ARHGAP29: variants seen among roughly 807,000 people sequenced by gnomAD.
ARHGAP29 encodes the protein rho GTPase-activating protein 29.
In ARHGAP29, 43 loss-of-function variants were observed where a neutral mutation model predicts 122.6. The observed-to-expected ratio is 0.35, with a 90% CI of 0.27 to 0.45. The LOEUF (loss-of-function observed/expected upper bound fraction) is 0.45. ARHGAP29 is among the 20% of genes least tolerant of loss of function. The pLI, the probability that ARHGAP29 is intolerant of heterozygous loss-of-function variation, is 1.00. For synonymous variants in ARHGAP29, 506 were observed against 497.1 expected (o/e 1.02, Z -0.24); for missense variants, 1,303 against 1,477.2 (o/e 0.88, Z 1.93).
At chr1:94,216,080 G>A (rs933065565) in intron 3 of ARHGAP29, among the ~76,000 whole-genome samples, 1 of 152,132 alleles carries the variant, frequency 6.6e-6, no homozygotes, top group Non-Finnish European at 1.5e-5. Flanking sequence ...CTTCAGCACT[G>A]CTATCAGAAG....
the ARHGAP29 span, among the ~76,000 whole-genome samples, chr1:94,293,297 G>A: frequency 5.3e-5 from 8 of 152,358 alleles, no homozygotes; most frequent in African/African-American, 1.2e-4. Flanking sequence ...AGGCACGGGA[G>A]GGAATCTCCT....
upstream of ARHGAP29, among the ~76,000 whole-genome samples, chr1:94,275,617 G>A (rs1655153938): frequency 6.6e-6 from 1 of 152,142 alleles, no homozygotes; most frequent in South Asian, 2.1e-4. Context: ...CAGGACAGGT[G>A]CTGGTTGGCA....
chr1:94,201,924 T>C, intron 11 of ARHGAP29, 67 bp from the exon 12 acceptor site: 4 of 1,364,250 alleles, frequency 2.9e-6, no homozygotes. Context: ...TTTACTATAG[T>C]AAAGCTAAGT....
rs114237993 is a variant in ARHGAP29, at chr1:94,249,128, C to T, written c.-32-17485G>A. On this transcript the variant is annotated intron_variant and NMD_transcript_variant, in intron 1 of 25. Transcript: ENST00000552844. Reference sequence around the variant, plus strand: ...AACTAAAAAATAAGGGGCAATATCTCCACCAAATCCTCTAACACTGACTCA... The same window carrying T: ...AACTAAAAAATAAGGGGCAATATCTTCACCAAATCCTCTAACACTGACTCA... 1.7e-3 allele frequency among the ~76,000 whole-genome samples: 262 copies of T among 152,318 alleles called. 2 individuals carry two copies. The highest frequency in any genetic ancestry group is 6.1e-3 in the African/African-American group (255 of 41,560).
intron 20 of ARHGAP29, among the ~76,000 whole-genome samples, 197 bp from the exon 21 acceptor site, chr1:94,178,364 T>C (rs149767825): frequency 1.5e-4 from 23 of 152,300 alleles, no homozygotes; most frequent in Non-Finnish European, 3.1e-4. Context: ...TTTCACAGTA[T>C]TGGAATAAAT....
chr1:94,247,209 A>G (rs921640509), intron 1 of ARHGAP29, among the ~76,000 whole-genome samples: 2 of 152,042 alleles, frequency 1.3e-5, no homozygotes, highest in African/African-American at 2.4e-5. Flanking sequence ...AAGAAAACCA[A>G]TGGGGTAAGG....
At chr1:94,312,829 A>G in the ARHGAP29 span, among the ~76,000 whole-genome samples, 116 of 143,226 alleles carry the variant, frequency 8.1e-4, no homozygotes, top group African/African-American at 3.4e-3. Flanking sequence ...CCCCTTCTCA[A>G]TCTCCTTTGC....
chr1:94,258,367 T>C (rs557427541), intron 1 of ARHGAP29, among the ~76,000 whole-genome samples: 5 of 152,260 alleles, frequency 3.3e-5, no homozygotes, highest in African/African-American at 1.2e-4. Context: ...CATTTCTGAA[T>C]TTTTTAATGT....
chr1:94,245,015 A>G (rs1224154248), intron 1 of ARHGAP29, among the ~76,000 whole-genome samples: 1 of 152,198 alleles, frequency 6.6e-6, no homozygotes, highest in Non-Finnish European at 1.5e-5. Context: ...CATTAGTATC[A>G]GGGAAATGCA....
chr1:94,282,145 A>G, the ARHGAP29 span, among the ~76,000 whole-genome samples: 1 of 151,994 alleles, frequency 6.6e-6, no homozygotes. Flanking sequence ...CCAGAATCTG[A>G]TCTTGTAAGT....
upstream of ARHGAP29, among the ~76,000 whole-genome samples, chr1:94,237,946 A>T (rs1439644247): frequency 1.3e-5 from 2 of 151,676 alleles, no homozygotes; most frequent in African/African-American, 4.8e-5. Context: ...GGGCCTGGGG[A>T]AGGGCGCCAC....
chr1:94,174,023 T>TTG lies in ARHGAP29; in HGVS notation c.3630_3631dup (p.Lys1211ThrfsTer26). On this transcript the variant is annotated frameshift_variant, in exon 23 of 23. Transcript: ENST00000260526. LOFTEE classifies it low-confidence loss of function (END_TRUNC). ...TGCTTGCCCAGGACAAGCTGATGCT[T>TTG]TGTCTGGGTCTGGCATTGACTTCAC... is the stretch of plus-strand genomic sequence containing the variant. The TTG allele has an allele frequency of 6.2e-7, 1 of 1,614,182 alleles. No individual in the cohort carries two copies. The highest frequency in any genetic ancestry group is 8.5e-7 in the Non-Finnish European group (1 of 1,180,020).
rs551782032 is a variant in ARHGAP29, at chr1:94,198,637, G to A, written c.1281+3083C>T. Among the ~76,000 whole-genome samples, 48 of 152,240 alleles carry A rather than the reference G, an allele frequency of 3.2e-4. No individual in the cohort carries two copies. The South Asian group carries it at 9.7e-3, about 31-fold the overall frequency. On this transcript the variant is annotated intron_variant, in intron 12 of 22. Transcript: ENST00000260526. ...TTAAATCTAACACAACTTATTAAAGGTATGTTGAAAACTACAAAATGCTGA... is the reference window on the plus strand; with the variant it reads ...TTAAATCTAACACAACTTATTAAAGATATGTTGAAAACTACAAAATGCTGA...
intron 2 of ARHGAP29, among the ~76,000 whole-genome samples, chr1:94,220,728 A>G (rs1319321011): frequency 6.7e-6 from 1 of 149,592 alleles, no homozygotes; most frequent in Non-Finnish European, 1.5e-5. Context: ...TAGTTTTACT[A>G]TCATATATTT....
intron 19 of ARHGAP29, among the ~76,000 whole-genome samples, chr1:94,181,641 G>A (rs1649471404): frequency 1.3e-5 from 2 of 152,092 alleles, no homozygotes; most frequent in Admixed American, 6.5e-5. Context: ...AAAGCTCAAG[G>A]TCTTCGAAGA....
At chr1:94,276,438 AT>A (rs71094288), upstream of ARHGAP29, among the ~76,000 whole-genome samples, 31,611 of 146,636 alleles carry the variant, frequency 0.22, 4,009 homozygotes, top group East Asian at 0.31. Context: ...TGGTTTTTAG[AT>A]TTTTTTTTTT....
upstream of ARHGAP29, chr1:94,237,638 G>A: frequency 2.0e-6 from 2 of 986,710 alleles, no homozygotes; most frequent in Middle Eastern, 5.2e-4. Context: ...CCGCCCGCCA[G>A]CCCCGCCCCC....
rs1648756924 is a variant in ARHGAP29, at chr1:94,171,859, T to C, written c.*2010A>G. 6.6e-6 allele frequency: 1 copy of C among 152,196 alleles called. No homozygotes were observed. Among genetic ancestry groups the C allele is most frequent in the Non-Finnish European group, 1.5e-5 (1 of 68,028 alleles). The allele number at this position is 152,196 out of a possible 1,614,324, so 9.4% of individuals were successfully genotyped here. A position where few individuals can be genotyped will look rare whatever the true frequency, so the allele number is the denominator to read the frequency against. On this transcript the variant is annotated 3_prime_UTR_variant, in exon 23 of 23. Transcript: ENST00000260526. ...TGAAGAAGTTTAAAAGTACATTTTC[T>C]AAGTTTTAGTATAGGATGATGATAA...
intron 2 of ARHGAP29, among the ~76,000 whole-genome samples, chr1:94,227,430 T>G (rs961368612): frequency 8.6e-5 from 13 of 151,560 alleles, no homozygotes; most frequent in Admixed American, 2.0e-4. Flanking sequence ...AAAAGAAAAA[T>G]AAGGCACCAT....
Sources: gnomAD v4.1 joint callset for allele counts (sites outside exome capture counted in the v4.1 genomes callset) on GRCh38, gnomAD v4.1.1 for gene constraint, MANE v1.5 for transcripts, NCBI Gene and HGNC (gene_info 2026-07-23, HGNC 2026-07-21) for gene names.